The following NUP98 variants were observed in gnomAD, a reference collection of about 807,000 sequenced individuals.
NUP98 encodes the protein nucleoporin 98 and 96 precursor.
NUP98 carries 26 observed loss-of-function variants against 191.9 expected under a neutral mutation model. The observed-to-expected ratio is 0.14, with a 90% confidence interval of 0.10 to 0.19. The LOEUF is 0.19. Among genes scored for constraint, NUP98 ranks in the 10% least tolerant of loss-of-function variants. NUP98 has a pLI of 1.00. For synonymous variants in NUP98, 808 were observed against 778.4 expected (o/e 1.04, Z -0.63); for missense variants, 1,941 against 2,178.8 (o/e 0.89, Z 2.17).
chr11:3,791,071 A>T (rs1030004179), intron 1 of NUP98, among the ~76,000 whole-genome samples: 9 of 151,714 alleles, frequency 5.9e-5, no homozygotes, highest in Non-Finnish European at 1.0e-4. Flanking sequence ...AATTTTTTGT[A>T]TTTTTAGTAG....
chr11:3,797,533 A>C lies in NUP98; in HGVS notation c.-162T>G. On this transcript the variant is annotated 5_prime_UTR_variant, in exon 1 of 33. Coordinates refer to ENST00000324932, the MANE Select transcript of NUP98 (RefSeq NM_016320.5). ...TGCCACCGACCGCCGCTTCGGGCGC[A>C]GCGCGCAGAGGGCCCGACTGCGTCA... is the stretch of plus-strand genomic sequence containing the variant. 1 of 441,248 alleles carries C rather than the reference A, an allele frequency of 2.3e-6. No individual in the cohort carries two copies. 27.3% of individuals were successfully genotyped at this position (441,248 alleles called of 1,614,324 possible).
At chr11:3,792,050 G>A (rs1285651897) in intron 1 of NUP98, among the ~76,000 whole-genome samples, 7 of 150,278 alleles carry the variant, frequency 4.7e-5, no homozygotes, top group South Asian at 2.1e-4. Context: ...ATGGTGGCAC[G>A]CCCCTGTATT....
chr11:3,691,003 A>G (rs1259567279), intron 28 of NUP98, among the ~76,000 whole-genome samples: 1 of 152,174 alleles, frequency 6.6e-6, no homozygotes, highest in Non-Finnish European at 1.5e-5. Context: ...AAACTAGTCA[A>G]TAGGTATCTG....
In NUP98 at chr11:3,743,552, C is replaced by T. The variant is rs367850201; in HGVS notation, c.1408+957G>A. Among the ~76,000 whole-genome samples the T allele has an allele frequency of 2.0e-4, 28 of 142,670 alleles. No homozygotes were observed. In the South Asian group the frequency reaches 3.2e-3, roughly 16 times the overall value. 93.6% of individuals were successfully genotyped at this position (142,670 alleles called of 152,430 possible). ...GTCCCAGCTACTCAAGAGGCTGAGG[C>T]GGGAGAATGGCGTGAATCTGGGAGG... On this transcript the variant is annotated intron_variant, in intron 12 of 32. Transcript: ENST00000324932.
chr11:3,703,684 G>C (rs1434052991), intron 22 of NUP98, among the ~76,000 whole-genome samples: 1 of 152,022 alleles, frequency 6.6e-6, no homozygotes, highest in Non-Finnish European at 1.5e-5. Context: ...TAAAGGTAAC[G>C]ATTTCTTAGC....
intron 30 of NUP98, among the ~76,000 whole-genome samples, chr11:3,682,948 T>C (rs1189023889): frequency 1.3e-5 from 2 of 151,970 alleles, no homozygotes; most frequent in Non-Finnish European, 2.9e-5. Flanking sequence ...AGTAAACAAA[T>C]TAAAATAATA....
intron 10 of NUP98, among the ~76,000 whole-genome samples, chr11:3,759,858 A>G (rs1187248921): frequency 2.0e-5 from 3 of 151,904 alleles, no homozygotes; most frequent in African/African-American, 7.2e-5. Flanking sequence ...TTTTTTTTAG[A>G]GACCTACTTT....
chr11:3,742,064 A>G (rs1184679754), intron 12 of NUP98, among the ~76,000 whole-genome samples: 1 of 152,240 alleles, frequency 6.6e-6, no homozygotes, highest in Non-Finnish European at 1.5e-5. Context: ...TGACGAGAAT[A>G]TCTTGAAGCA....
intron 18 of NUP98, among the ~76,000 whole-genome samples, chr11:3,719,117 T>C (rs912351826): frequency 7.1e-6 from 1 of 140,598 alleles, no homozygotes; most frequent in Non-Finnish European, 1.5e-5. Context: ...CAAAACTCCA[T>C]CTCAAAAAAA....
intron 12 of NUP98, 51 bp from the exon 13 acceptor site, chr11:3,735,375 A>T: frequency 3.0e-6 from 3 of 999,316 alleles, no homozygotes; most frequent in Non-Finnish European, 3.9e-6. Context: ...TATAAATGCA[A>T]GGATACAATG....
chr11:3,783,965 A>AT (rs1424815865), intron 1 of NUP98, among the ~76,000 whole-genome samples: 3 of 152,186 alleles, frequency 2.0e-5, no homozygotes, highest in Non-Finnish European at 4.4e-5. Flanking sequence ...TTTTCCTTAA[A>AT]TTTAGATGCC....
intron 9 of NUP98, among the ~76,000 whole-genome samples, chr11:3,762,280 T>G (rs975298181): frequency 7.3e-6 from 1 of 137,022 alleles, no homozygotes; most frequent in Non-Finnish European, 1.6e-5. Flanking sequence ...CAGCTAGTGG[T>G]TTTTTTTTTT....
chr11:3,788,775 C>A (rs558996753), intron 1 of NUP98, among the ~76,000 whole-genome samples: 1 of 151,810 alleles, frequency 6.6e-6, no homozygotes, highest in Admixed American at 6.6e-5. Flanking sequence ...GGAGAAACCC[C>A]GTCTCTACTA....
intron 12 of NUP98, among the ~76,000 whole-genome samples, chr11:3,737,321 CA>C (rs34718372): frequency 0.49 from 54,541 of 111,880 alleles, 11,695 homozygotes; most frequent in African/African-American, 0.6. Flanking sequence ...GCAGTAATAA[CA>C]AAAAAAAAAA....
Position 3,735,187 on chromosome 11 carries a change from T to G in NUP98, c.1542+4A>C. The G allele has an allele frequency of 1.9e-6, 3 of 1,575,102 alleles. No homozygotes were observed. Among genetic ancestry groups the G allele is most frequent in the Non-Finnish European group, 2.6e-6 (3 of 1,161,400 alleles). On this transcript the variant is annotated splice_donor_region_variant and intron_variant, in intron 13 of 32. Coordinates refer to ENST00000324932, the MANE Select transcript of NUP98 (RefSeq NM_016320.5). ...ATATTTTACAGAAGTATCCTTAAAT[T>G]TACCTCTTCCTTCTTCTTAGGGTCT...
intron 8 of NUP98, among the ~76,000 whole-genome samples, chr11:3,764,364 G>C (rs1346102624): frequency 6.6e-6 from 1 of 151,904 alleles, no homozygotes; most frequent in African/African-American, 2.4e-5. Flanking sequence ...AGATCTTTAG[G>C]TTATTTCTAC....
intron 6 of NUP98, 35 bp downstream of exon 6, chr11:3,773,597 G>A (rs1414168844): frequency 7.7e-7 from 1 of 1,294,006 alleles, no homozygotes; most frequent in Non-Finnish European, 1.1e-6. Context: ...AAAATCAAAA[G>A]GTTAGACTGA....
At chr11:3,756,915 G>T (rs556183355) in intron 10 of NUP98, among the ~76,000 whole-genome samples, 2 of 150,990 alleles carry the variant, frequency 1.3e-5, no homozygotes, top group East Asian at 4.0e-4. Flanking sequence ...GTGAAACCCC[G>T]TCTCTATTAA....
At chr11:3,727,610 T>G (rs1268612058) in intron 14 of NUP98, among the ~76,000 whole-genome samples, 1 of 152,072 alleles carries the variant, frequency 6.6e-6, no homozygotes, top group Non-Finnish European at 1.5e-5. Flanking sequence ...CGCTGTAATT[T>G]CAGCACTTCA....
Sources: gnomAD v4.1 joint callset for allele counts (sites outside exome capture counted in the v4.1 genomes callset) on GRCh38, gnomAD v4.1.1 for gene constraint, MANE v1.5 for transcripts, NCBI Gene and HGNC (gene_info 2026-07-23, HGNC 2026-07-21) for gene names.